TPRG1: variants seen among roughly 807,000 people sequenced by gnomAD.
TPRG1 encodes tumor protein p63 regulated 1, also known as tumor protein p63-regulated gene 1 protein.
A neutral mutation model predicts 29.3 loss-of-function variants in TPRG1; 29 were observed. That is an observed-to-expected ratio of 0.99 (90% confidence interval 0.74 to 1.35). The LOEUF is 1.35. Ranked by LOEUF, TPRG1 falls within the 40% of genes most tolerant of loss-of-function variation. The pLI is 0.00. For synonymous variants in TPRG1, 130 were observed against 116.8 expected (o/e 1.11, Z -0.73); for missense variants, 327 against 335.0 (o/e 0.98, Z 0.19).
chr3:189,123,593 C>T (rs540909593), intron 1 of TPRG1: 2 of 152,306 alleles, frequency 1.3e-5, no homozygotes, highest in South Asian at 4.1e-4. Flanking sequence ...GGTAGGCAGC[C>T]TGAAATTGCT....
At chr3:188,997,482 T>A (rs1177171424) in intron 1 of TPRG1, among the ~76,000 whole-genome samples, 1 of 152,212 alleles carries the variant, frequency 6.6e-6, no homozygotes, top group African/African-American at 2.4e-5. Flanking sequence ...GTTTTTCTTA[T>A]GAAGTACAGT....
intron 4 of TPRG1, among the ~76,000 whole-genome samples, chr3:189,040,341 G>A (rs532086381): frequency 2.0e-5 from 3 of 152,128 alleles, no homozygotes; most frequent in Non-Finnish European, 2.9e-5. Context: ...GTTATTTACA[G>A]GTATTCCCAG....
At chr3:189,023,964 G>A (rs553369412) in intron 4 of TPRG1, 19 of 152,368 alleles carry the variant, frequency 1.2e-4, no homozygotes, top group Non-Finnish European at 2.6e-4. Flanking sequence ...TCACCACTCA[G>A]GAGGAACGGG....
intron 4 of TPRG1, among the ~76,000 whole-genome samples, chr3:189,246,664 G>A (rs1399367259): frequency 2.0e-5 from 3 of 151,754 alleles, no homozygotes; most frequent in Admixed American, 6.6e-5. Flanking sequence ...AGCATTTCTT[G>A]TAGTATAATC....
At chr3:189,174,249 T>A (rs949878373) in intron 1 of TPRG1, among the ~76,000 whole-genome samples, 2 of 152,232 alleles carry the variant, frequency 1.3e-5, no homozygotes, top group Non-Finnish European at 2.9e-5. Context: ...TGTGCTGCCA[T>A]GTTAAACAAG....
At chr3:189,148,159 T>C (rs1404565654) in intron 4 of TPRG1, among the ~76,000 whole-genome samples, 1 of 152,152 alleles carries the variant, frequency 6.6e-6, no homozygotes, top group Non-Finnish European at 1.5e-5. Context: ...ACCTTTCTGC[T>C]CCCTCCTGAT....
At chr3:189,066,603 T>G (rs111492758) in intron 4 of TPRG1, among the ~76,000 whole-genome samples, 124 of 151,266 alleles carry the variant, frequency 8.2e-4, no homozygotes, top group African/African-American at 2.6e-3. Context: ...AAGCGTTTGA[T>G]ACAATTTAAC....
chr3:189,308,764 T>C (rs1053077031), intron 4 of TPRG1, among the ~76,000 whole-genome samples: 1 of 152,148 alleles, frequency 6.6e-6, no homozygotes, highest in Non-Finnish European at 1.5e-5. Flanking sequence ...AAAAGCAAAA[T>C]TGCACCCAGC....
intron 1 of TPRG1, among the ~76,000 whole-genome samples, chr3:189,113,965 A>G (rs1720876845): frequency 1.3e-5 from 2 of 152,152 alleles, no homozygotes; most frequent in South Asian, 4.1e-4. Flanking sequence ...GTTCCCATCT[A>G]TATTATTGGA....
At chr3:189,285,480 A>T (rs1346266048) in intron 4 of TPRG1, among the ~76,000 whole-genome samples, 1 of 152,222 alleles carries the variant, frequency 6.6e-6, no homozygotes, top group Non-Finnish European at 1.5e-5. Context: ...TCAGTGCTCC[A>T]AGTAAATGAA....
chr3:189,202,336 T>G (rs1484313535), intron 1 of TPRG1, among the ~76,000 whole-genome samples: 1 of 152,108 alleles, frequency 6.6e-6, no homozygotes, highest in Non-Finnish European at 1.5e-5. Flanking sequence ...TCTGACAGTC[T>G]AGGATGGAGC....
intron 1 of TPRG1, among the ~76,000 whole-genome samples, chr3:189,194,865 G>A (rs1047886933): frequency 1.2e-4 from 18 of 152,256 alleles, no homozygotes; most frequent in Admixed American, 3.3e-4. Flanking sequence ...CTGAGCCCTG[G>A]AGCTGGGCTG....
At chr3:189,051,322 A>G (rs111254387) in intron 4 of TPRG1, among the ~76,000 whole-genome samples, 2,132 of 152,268 alleles carry the variant, frequency 0.014, 59 homozygotes, top group African/African-American at 0.049. Context: ...TCAAGAACTC[A>G]GCCCCTTTTA....
At chr3:189,084,842 A>G (rs568092693) in intron 4 of TPRG1, among the ~76,000 whole-genome samples, 2 of 152,352 alleles carry the variant, frequency 1.3e-5, no homozygotes, top group African/African-American at 4.8e-5. Flanking sequence ...GTTACGCAAC[A>G]CTTGACCTTA....
intron 4 of TPRG1, among the ~76,000 whole-genome samples, chr3:189,259,701 C>T (rs1217634526): frequency 6.6e-6 from 1 of 151,990 alleles, no homozygotes; most frequent in Non-Finnish European, 1.5e-5. Flanking sequence ...AACTCCTGAT[C>T]TCAAGTGATC....
chr3:189,204,779 C>T (rs747194151), intron 1 of TPRG1, among the ~76,000 whole-genome samples: 5 of 152,144 alleles, frequency 3.3e-5, no homozygotes, highest in Admixed American at 6.5e-5. Context: ...AACCTTCCTT[C>T]ACAGGTTATA....
At chr3:189,312,815 C>T (rs1246669274) in intron 5 of TPRG1, among the ~76,000 whole-genome samples, 1 of 152,104 alleles carries the variant, frequency 6.6e-6, no homozygotes, top group Non-Finnish European at 1.5e-5. Context: ...TAGACTAGAG[C>T]ATTGGATTTT....
chr3:189,310,308 T>C (rs1319455771), intron 4 of TPRG1, 78 bp from the exon 5 acceptor site: 5 of 1,283,736 alleles, frequency 3.9e-6, no homozygotes, highest in Non-Finnish European at 5.2e-6. Context: ...ATATGAAGGC[T>C]GACTGATGTA....
chr3:189,089,342 G>A (rs1718186559), intron 4 of TPRG1, among the ~76,000 whole-genome samples: 1 of 151,930 alleles, frequency 6.6e-6, no homozygotes, highest in African/African-American at 2.4e-5. Context: ...AGTCTATTTT[G>A]TATCTTTACT....
Sources: gnomAD v4.1 joint callset for allele counts (sites outside exome capture counted in the v4.1 genomes callset) on GRCh38, gnomAD v4.1.1 for gene constraint, MANE v1.5 for transcripts, NCBI Gene and HGNC (gene_info 2026-07-23, HGNC 2026-07-21) for gene names.